Variants in ARAP2 observed in about 807,000 individuals in gnomAD.
ARAP2 encodes the protein ArfGAP with RhoGAP domain, ankyrin repeat and PH domain 2.
In ARAP2, 148 loss-of-function variants were observed where a neutral mutation model predicts 194.5. That is an observed-to-expected ratio of 0.76 (90% CI 0.67 to 0.87). The LOEUF (loss-of-function observed/expected upper bound fraction) is 0.87. ARAP2 is among the 40% of genes least tolerant of loss of function. The pLI is 0.00. For synonymous variants in ARAP2, 695 were observed against 683.5 expected, an observed-to-expected ratio of 1.02 and a Z score of -0.26; for missense variants, 2,128 against 1,989.7, an observed-to-expected ratio of 1.07 and a Z score of -1.32.
Position 36,068,064 on chromosome 4 carries a change from C to G in ARAP2, c.4958G>C (p.Gly1653Ala). 1 of 1,614,108 alleles carries G rather than the reference C, an allele frequency of 6.2e-7. No homozygotes were observed. Among genetic ancestry groups the G allele is most frequent in the Non-Finnish European group, 8.5e-7 (1 of 1,179,988 alleles). The change falls in exon 33 of 33, where the codon GGC (glycine) becomes GCC (alanine). Residue 1653 changes from glycine to alanine, a missense_variant. By Grantham distance (60) the Gly-to-Ala change is moderately conservative. Transcript: ENST00000303965. ...APLGQPKGHK[G>A]LKTLRKTEDR... ...CTCAGTCTTCCTCAATGTCTTTAGG[C>G]CTTTATGGCCTTTTGGTTGCCCAAG...
At chr4:36,158,918 CT>C in intron 14 of ARAP2, 54 bp from the exon 15 acceptor site, 3 of 1,512,044 alleles carry the variant, frequency 2.0e-6, no homozygotes, top group Non-Finnish European at 2.7e-6. Context: ...AACAATTTTC[CT>C]TTTGTTTATA....
chr4:36,156,772 T>C (rs886120995), intron 15 of ARAP2, among the ~76,000 whole-genome samples: 5 of 152,194 alleles, frequency 3.3e-5, no homozygotes, highest in African/African-American at 1.2e-4. Context: ...CCTGCCAGAT[T>C]ATGTTCACTA....
chr4:36,063,749 TTG>T (rs1240477229), downstream of ARAP2, among the ~76,000 whole-genome samples: 1 of 152,208 alleles, frequency 6.6e-6, no homozygotes, highest in African/African-American at 2.4e-5. Context: ...TTACTGGCTG[TTG>T]TGAGGCAAGC....
chr4:36,050,070 G>A (rs1722416997), intron 3 of ARAP2, among the ~76,000 whole-genome samples: 1 of 152,156 alleles, frequency 6.6e-6, no homozygotes, highest in South Asian at 2.1e-4. Context: ...ATAGTTGCAT[G>A]ATGACTGAAG....
At chr4:36,159,808 A>AT (rs1733495870) in intron 13 of ARAP2, 1 of 195,034 alleles carries the variant, frequency 5.1e-6, no homozygotes, top group Admixed American at 6.1e-5. Flanking sequence ...TACTATGATA[A>AT]TGACTGATGC....
chr4:36,060,830 G>C (rs904222810), intron 1 of ARAP2, among the ~76,000 whole-genome samples: 6 of 152,018 alleles, frequency 3.9e-5, no homozygotes, highest in Admixed American at 6.6e-5. Flanking sequence ...TTTCCTCTTA[G>C]GACACCAGTC....
chr4:36,192,168 GTTTTT>G lies in ARAP2; in HGVS notation c.1557+1405_1557+1409del, dbSNP rs569144058. Among the ~76,000 whole-genome samples the G allele has an allele frequency of 4.9e-3, 493 of 100,722 alleles. 1 individual carries two copies. The highest frequency in any genetic ancestry group is 0.012 in the Middle Eastern group (2 of 168). The allele number at this position is 100,722 out of a possible 152,430, so 66.1% of individuals were successfully genotyped here. A position where few individuals can be genotyped will look rare whatever the true frequency, so the allele number is the denominator to read the frequency against. ...AGGAAACACCAAATCCAGTGTTTCT[GTTTTT>G]TTTTTTTTTTTTTTTTTTTTGCCAA... On this transcript the variant is annotated intron_variant, in intron 7 of 32. Coordinates refer to ENST00000303965, the MANE Select transcript of ARAP2 (RefSeq NM_015230.4).
At chr4:36,031,263 A>G (rs193071911) in intron 5 of ARAP2, among the ~76,000 whole-genome samples, 103 of 152,314 alleles carry the variant, frequency 6.8e-4, no homozygotes, top group African/African-American at 2.5e-3. Context: ...GATATAATCC[A>G]TCATTTTCAG....
intron 2 of ARAP2, among the ~76,000 whole-genome samples, chr4:36,056,508 A>G (rs991754342): frequency 2.0e-5 from 3 of 152,186 alleles, no homozygotes; most frequent in South Asian, 2.1e-4. Context: ...TGCAGAGTAT[A>G]TATCTTTTTC....
chr4:36,033,411 CT>C (rs1400928950), intron 5 of ARAP2, among the ~76,000 whole-genome samples: 1 of 151,738 alleles, frequency 6.6e-6, no homozygotes, highest in African/African-American at 2.4e-5. Context: ...TGATGTTGAG[CT>C]TTTTTTCATA....
intron 6 of ARAP2, among the ~76,000 whole-genome samples, chr4:36,205,622 C>T (rs1418378414): frequency 6.6e-6 from 1 of 150,462 alleles, no homozygotes. Flanking sequence ...AAAAGAAAAT[C>T]GAGGTTTATT....
At chr4:36,217,517 T>C (rs571971043) in intron 2 of ARAP2, among the ~76,000 whole-genome samples, 22 of 151,890 alleles carry the variant, frequency 1.4e-4, no homozygotes, top group Middle Eastern at 6.8e-3. Flanking sequence ...GGAGACAGCG[T>C]CTCAAAAATA....
intron 21 of ARAP2, among the ~76,000 whole-genome samples, chr4:36,125,566 C>T (rs1723683706): frequency 6.6e-6 from 1 of 151,902 alleles, no homozygotes; most frequent in Non-Finnish European, 1.5e-5. Flanking sequence ...TTAATAACTA[C>T]AATCTGGATT....
rs1332033505 is a variant in ARAP2, at chr4:36,213,253, T to C, written c.1031A>G (p.Glu344Gly). ...ATGTATGGGACTAACCTTGGAATTTTCTAGTCTCTGGAAGAGAAAGGTCTC... is the reference window on the plus strand; with the variant it reads ...ATGTATGGGACTAACCTTGGAATTTCCTAGTCTCTGGAAGAGAAAGGTCTC... ...YGETFLFQRLENSKKRSIKNE... is the reference protein window; with the variant it reads ...YGETFLFQRLGNSKKRSIKNE... The change falls in exon 4 of 33, where the codon GAA becomes GGA. Residue 344 changes from glutamate (E) to glycine (G), a missense_variant. Glu to Gly is a moderately conservative substitution (Grantham distance 98). Coordinates refer to ENST00000303965, the MANE Select transcript of ARAP2 (RefSeq NM_015230.4). The C allele has an allele frequency of 1.9e-6, 3 of 1,602,400 alleles. No homozygotes were observed. The African/African-American group carries it at 4.0e-5, about 21-fold the overall frequency.
At chr4:36,169,621 C>G (rs1736122012) in intron 9 of ARAP2, among the ~76,000 whole-genome samples, 1 of 151,996 alleles carries the variant, frequency 6.6e-6, no homozygotes, top group African/African-American at 2.4e-5. Flanking sequence ...ACCTCGGCCC[C>G]CCCAGGTTCA....
chr4:36,204,496 A>G (rs941656980), intron 6 of ARAP2, among the ~76,000 whole-genome samples: 1 of 152,188 alleles, frequency 6.6e-6, no homozygotes, highest in African/African-American at 2.4e-5. Context: ...AACACTAGAG[A>G]GAGGCATAGA....
At chr4:36,142,441 T>C (rs1339797224) in intron 19 of ARAP2, among the ~76,000 whole-genome samples, 1 of 151,438 alleles carries the variant, frequency 6.6e-6, no homozygotes, top group Non-Finnish European at 1.5e-5. Flanking sequence ...CCTCCAGATA[T>C]CTTTGACAAA....
chr4:36,133,392 G>T lies in ARAP2; in HGVS notation c.3264-3C>A, dbSNP rs376300135. ...TATGCCCATGGATGTATAATGTTCT[G>T]TAAAGTTTAAAAAGCATTTCAAATT... is the stretch of plus-strand genomic sequence containing the variant. On this transcript the variant is annotated splice_polypyrimidine_tract_variant and splice_region_variant and intron_variant, in intron 19 of 32. Coordinates refer to ENST00000303965, the MANE Select transcript of ARAP2 (RefSeq NM_015230.4). 2 of 1,601,088 alleles carry T rather than the reference G, an allele frequency of 1.2e-6. No homozygotes were observed. The highest frequency in any genetic ancestry group is 1.4e-5 in the African/African-American group (1 of 74,054).
chr4:36,122,274 C>A (rs940653600), intron 22 of ARAP2, among the ~76,000 whole-genome samples: 3 of 151,842 alleles, frequency 2.0e-5, no homozygotes, highest in Non-Finnish European at 4.4e-5. Flanking sequence ...TAGGTATATA[C>A]CCAAAGGAAT....
Sources: allele counts gnomAD v4.1 joint callset (sites outside exome capture counted in the v4.1 genomes callset), GRCh38; gene constraint gnomAD v4.1.1; transcripts MANE v1.5; gene names NCBI Gene and HGNC (gene_info 2026-07-23, HGNC 2026-07-21).